The following DNAH5 variants were observed in gnomAD, a reference collection of about 807,000 sequenced individuals.
DNAH5 encodes the protein axonemal beta dynein heavy chain 5.
DNAH5 carries 372 observed loss-of-function variants against 518.2 expected under a neutral mutation model. The observed-to-expected ratio is 0.72, with a 90% CI of 0.66 to 0.78. The LOEUF (loss-of-function observed/expected upper bound fraction) is 0.78, where lower values mean the gene tolerates loss of function less well. Ranked by LOEUF, DNAH5 falls within the 30% of genes least tolerant of loss-of-function variation. The probability of loss-of-function intolerance (pLI) is 0.00; values close to 1 mark genes in which losing one functional copy is unlikely to be tolerated. For synonymous variants in DNAH5, 2,039 were observed against 2,025.9 expected (o/e 1.01, Z -0.17); for missense variants, 5,523 against 5,687.0 (o/e 0.97, Z 0.93).
intron 30 of DNAH5, among the ~76,000 whole-genome samples, chr5:13,853,722 G>A (rs1188082944): frequency 6.6e-6 from 1 of 151,818 alleles, no homozygotes; most frequent in African/African-American, 2.4e-5. Context: ...ATTTCGTGAA[G>A]CATACAGAAG....
At chr5:13,792,404 G>C (rs952487798) in intron 49 of DNAH5, among the ~76,000 whole-genome samples, 187 bp from the exon 50 acceptor site, 2 of 152,092 alleles carry the variant, frequency 1.3e-5, no homozygotes, top group African/African-American at 4.8e-5. Context: ...ATAGATACAA[G>C]TTTAAGAAAA....
chr5:13,861,949 T>C (rs1209450613), intron 29 of DNAH5, among the ~76,000 whole-genome samples: 3 of 48,002 alleles, frequency 6.2e-5, no homozygotes, highest in African/African-American at 2.2e-4. Flanking sequence ...CAAGATTCCA[T>C]CTCAAAAAAA....
At chr5:13,872,720 T>C (rs1407112125) in intron 22 of DNAH5, among the ~76,000 whole-genome samples, 2 of 152,146 alleles carry the variant, frequency 1.3e-5, no homozygotes, top group Non-Finnish European at 2.9e-5. Flanking sequence ...ATGCTATTTT[T>C]CCCAGCAAAA....
At chr5:13,789,029 A>G in intron 50 of DNAH5, 115 bp from the exon 51 acceptor site, 1 of 963,676 alleles carries the variant, frequency 1.0e-6, no homozygotes, top group Non-Finnish European at 1.6e-6. Context: ...AACATTTTAA[A>G]AAGTTAGGGT....
At chr5:13,949,841 T>G (rs188338981) in intron 1 of DNAH5, among the ~76,000 whole-genome samples, 9 of 152,330 alleles carry the variant, frequency 5.9e-5, no homozygotes, top group Admixed American at 3.9e-4. Context: ...GAAATAATGT[T>G]GTCCTGGCTT....
rs1215107095 is a variant in DNAH5 at position 13,931,202 on chromosome 5, C to T, written c.100G>A (p.Asp34Asn). The part of the protein sequence containing the change: ...GEKEAKRALL[D>N]ARHNYLFAIV... ...GCAAATAAGTAGTTATGCCTCGCAT[C>T]CAAAAGAGCCCGCTTGGCTTCCTTC... Residue 34 changes from aspartate (D) to asparagine (N), a missense_variant, in exon 2 of 79, where the codon GAT becomes AAT. Asp to Asn is a conservative substitution (Grantham distance 23). Transcript: ENST00000265104. 4.3e-6 allele frequency: 7 copies of T among 1,614,138 alleles called. No individual in the cohort carries two copies. The Admixed American group carries it at 1.2e-4, about 27-fold the overall frequency.
At chr5:13,745,444 C>T (rs1015382208) in intron 65 of DNAH5, among the ~76,000 whole-genome samples, 1 of 152,092 alleles carries the variant, frequency 6.6e-6, no homozygotes, top group African/African-American at 2.4e-5. Flanking sequence ...TGCTTCCTTG[C>T]ATCCATACGC....
intron 76 of DNAH5, among the ~76,000 whole-genome samples, chr5:13,705,144 G>A (rs1342905785): frequency 6.6e-6 from 1 of 151,970 alleles, no homozygotes; most frequent in East Asian, 1.9e-4. Context: ...GATGCATGCT[G>A]CCACACCCAG....
intron 35 of DNAH5, among the ~76,000 whole-genome samples, chr5:13,834,780 A>G (rs1214505573): frequency 2.6e-5 from 4 of 152,190 alleles, no homozygotes. Flanking sequence ...CCTGAGCTGA[A>G]TGAGGATAGA....
At chr5:13,880,326 G>A (rs1466321968) in intron 21 of DNAH5, among the ~76,000 whole-genome samples, 1 of 152,102 alleles carries the variant, frequency 6.6e-6, no homozygotes, top group African/African-American at 2.4e-5. Context: ...GGAAGAAGAT[G>A]CTTATTAGTA....
intron 21 of DNAH5, among the ~76,000 whole-genome samples, chr5:13,879,231 T>A (rs1402466449): frequency 6.6e-6 from 1 of 152,048 alleles, no homozygotes; most frequent in African/African-American, 2.4e-5. Context: ...ACCAAATAAA[T>A]CTCCAGAAAC....
Position 13,884,843 on chromosome 5 carries a change from A to G in DNAH5, c.2983+146T>C, listed in dbSNP as rs1413185154. On this transcript the variant is annotated intron_variant, in intron 19 of 78. Transcript: ENST00000265104. The stretch of plus-strand genomic sequence containing the variant: ...AGGGCGAGACTCCATCTCAAAAAAT[A>G]AAAATTTAAAAAAAGATGAATATTT... 4.6e-6 allele frequency: 6 copies of G among 1,297,758 alleles called. No homozygotes were observed. In the African/African-American group the frequency reaches 9.0e-5, roughly 20 times the overall value. 80.4% of individuals were successfully genotyped at this position (1,297,758 alleles called of 1,614,324 possible).
chr5:13,990,679 C>A (rs1783475100), intron 1 of DNAH5, among the ~76,000 whole-genome samples: 1 of 152,032 alleles, frequency 6.6e-6, no homozygotes. Flanking sequence ...ACCAGCCTGG[C>A]CAACATGGGG....
chr5:13,829,803 A>T, intron 37 of DNAH5, 99 bp from the exon 38 acceptor site: 2 of 1,279,988 alleles, frequency 1.6e-6, no homozygotes, highest in Non-Finnish European at 1.1e-6. Context: ...ATCTGGAATG[A>T]CAACCAGGGA....
At chr5:13,790,283 A>G (rs1348278975) in intron 50 of DNAH5, among the ~76,000 whole-genome samples, 1 of 152,246 alleles carries the variant, frequency 6.6e-6, no homozygotes, top group Non-Finnish European at 1.5e-5. Flanking sequence ...AATAGCAAAG[A>G]CACAGAATCA....
At position 13,736,000 on chromosome 5, in the gene DNAH5, C is replaced by T. The variant is rs545603453; in HGVS notation, c.11456-68G>A. ...AAATAAATGATCCATGCAAAGAGAT[C>T]AGCCTAAACTCTAAATGAAAACAAC... On this transcript the variant is annotated intron_variant, in intron 66 of 78. Transcript: ENST00000265104. 7.1e-6 allele frequency: 9 copies of T among 1,274,680 alleles called. No individual in the cohort carries two copies. In the Admixed American group the frequency reaches 1.4e-4, roughly 19 times the overall value. The allele number at this position is 1,274,680 out of a possible 1,614,324, so 79.0% of individuals were successfully genotyped here. A position where few individuals can be genotyped will look rare whatever the true frequency, so the allele number is the denominator to read the frequency against.
Position 13,867,927 on chromosome 5 carries a change from A to G in DNAH5, c.3900T>C (p.Asp1300=), listed in dbSNP as rs778357679. 1.2e-6 allele frequency: 2 copies of G among 1,614,126 alleles called. No homozygotes were observed. The highest frequency in any genetic ancestry group is 1.7e-6 in the Non-Finnish European group (2 of 1,179,978). Residue 1300 remains aspartate, a synonymous_variant, in exon 25 of 79, where the codon GAT becomes GAC. Transcript: ENST00000265104. ...GCTTCTCCCAAGCATAGTGCAGTGT[A>G]TCAACTTTGTCTATCTCTTCCCTTG... ...LIAREEIDKV[D]TLHYAWEKLL...
At chr5:13,802,170 A>G (rs1174566356) in intron 47 of DNAH5, among the ~76,000 whole-genome samples, 3 of 152,244 alleles carry the variant, frequency 2.0e-5, no homozygotes, top group Admixed American at 2.0e-4. Context: ...AATCGTAGTC[A>G]GCATGACAGC....
In DNAH5 at chr5:14,003,243, A is replaced by C. The variant is rs555103307; in HGVS notation, c.12+8405T>G. On this transcript the variant is annotated intron_variant, in intron 1 of 78. Coordinates refer to the DNAH5 transcript ENST00000681290. ...AGAAAACATCAGAGTTACATATAAA[A>C]TTCTTAAAAATGTTTCCACTTGATA... Among the ~76,000 whole-genome samples the C allele has an allele frequency of 3.9e-5, 6 of 152,360 alleles. No homozygotes were observed. In the South Asian group the frequency reaches 1.2e-3, roughly 32 times the overall value.
Sources: allele counts gnomAD v4.1 joint callset (sites outside exome capture counted in the v4.1 genomes callset), GRCh38; gene constraint gnomAD v4.1.1; transcripts MANE v1.5; gene names NCBI Gene and HGNC (gene_info 2026-07-23, HGNC 2026-07-21).